The following SLC24A2 variants were observed in gnomAD, a reference collection of about 807,000 sequenced individuals.
SLC24A2 encodes the protein sodium/potassium/calcium exchanger 2.
In SLC24A2, 36 loss-of-function variants were observed where a neutral mutation model predicts 62.0. That is an observed-to-expected ratio of 0.58 (90% confidence interval 0.44 to 0.77). The LOEUF is 0.77. Among genes scored for constraint, SLC24A2 ranks in the 30% least tolerant of loss-of-function variants. The pLI, the probability that SLC24A2 is intolerant of heterozygous loss-of-function variation, is 0.00. For synonymous variants in SLC24A2, 358 were observed against 294.0 expected (o/e 1.22, Z -2.23); for missense variants, 846 against 817.9 (o/e 1.03, Z -0.42).
At chr9:19,708,822 A>T (rs1444392618) in intron 2 of SLC24A2, among the ~76,000 whole-genome samples, 2 of 152,188 alleles carry the variant, frequency 1.3e-5, no homozygotes, top group Non-Finnish European at 2.9e-5. Context: ...AACCTAGGCA[A>T]TAACATTCAG....
At chr9:20,120,233 T>C in the SLC24A2 span, among the ~76,000 whole-genome samples, 19 of 152,186 alleles carry the variant, frequency 1.2e-4, no homozygotes, top group Admixed American at 1.1e-3. Context: ...TTTTACTTTA[T>C]GGTTAGAAAT....
intron 2 of SLC24A2, among the ~76,000 whole-genome samples, chr9:19,642,983 ATTCTTT>A (rs1357196123): frequency 3.8e-5 from 4 of 105,086 alleles, no homozygotes; most frequent in Non-Finnish European, 7.3e-5. Flanking sequence ...CCTGGCCAGT[ATTCTTT>A]TTTTTTTTTT....
At chr9:19,528,181 A>G (rs747645415) in intron 8 of SLC24A2, 43 bp from the exon 9 acceptor site, 7 of 1,250,508 alleles carry the variant, frequency 5.6e-6, no homozygotes, top group Non-Finnish European at 8.0e-6. Flanking sequence ...AGTGTTATCC[A>G]TTGAGACTGA....
the SLC24A2 span, among the ~76,000 whole-genome samples, chr9:19,907,806 T>C: frequency 6.6e-6 from 1 of 152,220 alleles, no homozygotes; most frequent in African/African-American, 2.4e-5. Flanking sequence ...CAAGGAAAAC[T>C]ACAAACCACT....
intron 2 of SLC24A2, among the ~76,000 whole-genome samples, chr9:19,644,908 G>A (rs1237548609): frequency 1.3e-5 from 2 of 152,058 alleles, no homozygotes. Context: ...ATCTAAAAGT[G>A]CATTTACTGG....
chr9:19,584,366 A>C (rs1026822184), intron 5 of SLC24A2, among the ~76,000 whole-genome samples: 175 of 152,156 alleles, frequency 1.2e-3, no homozygotes, highest in African/African-American at 4.1e-3. Context: ...GTATTTGGTG[A>C]ATAAGACAGA....
chr9:20,130,242 A>C, the SLC24A2 span, among the ~76,000 whole-genome samples: 1 of 152,108 alleles, frequency 6.6e-6, no homozygotes, highest in Non-Finnish European at 1.5e-5. Context: ...ATAAGCCATA[A>C]ATATCTACTC....
At chr9:20,201,394 G>C in the SLC24A2 span, among the ~76,000 whole-genome samples, 1 of 152,158 alleles carries the variant, frequency 6.6e-6, no homozygotes, top group African/African-American at 2.4e-5. Flanking sequence ...TGTGGCTACT[G>C]ACATGGCAAA....
At chr9:19,797,632 T>A in the SLC24A2 span, among the ~76,000 whole-genome samples, 2 of 152,206 alleles carry the variant, frequency 1.3e-5, no homozygotes, top group African/African-American at 4.8e-5. Context: ...TCTAAGCTCT[T>A]CTCTGAAGTA....
chr9:20,211,816 A>C, the SLC24A2 span, among the ~76,000 whole-genome samples: 1 of 152,172 alleles, frequency 6.6e-6, no homozygotes, highest in Non-Finnish European at 1.5e-5. Context: ...GGAGTCTCAA[A>C]ATATTTGTGT....
At chr9:20,236,068 G>A in the SLC24A2 span, among the ~76,000 whole-genome samples, 1 of 152,086 alleles carries the variant, frequency 6.6e-6, no homozygotes, top group African/African-American at 2.4e-5. Flanking sequence ...TTTATAGAAG[G>A]TTTCATTAGA....
chr9:19,789,200 C>G (rs991182160), upstream of SLC24A2, among the ~76,000 whole-genome samples: 8 of 152,246 alleles, frequency 5.3e-5, no homozygotes, highest in African/African-American at 1.7e-4. Context: ...TGGCAGCCGT[C>G]TCTTAGGAGA....
chr9:19,760,419 C>T (rs920396506), intron 2 of SLC24A2, among the ~76,000 whole-genome samples: 18 of 152,034 alleles, frequency 1.2e-4, no homozygotes, highest in Admixed American at 5.9e-4. Context: ...GCAGAACGTG[C>T]AGGTTTGTTA....
chr9:19,747,585 G>C (rs1821869787), intron 2 of SLC24A2, among the ~76,000 whole-genome samples: 1 of 152,176 alleles, frequency 6.6e-6, no homozygotes, highest in Non-Finnish European at 1.5e-5. Flanking sequence ...ATTATTATCT[G>C]ACATATCACT....
the SLC24A2 span, among the ~76,000 whole-genome samples, chr9:20,236,969 G>A: frequency 6.6e-6 from 1 of 151,952 alleles, no homozygotes; most frequent in Non-Finnish European, 1.5e-5. Flanking sequence ...AAGGATGGAG[G>A]GGGTGGGGAC....
At chr9:20,180,332 T>G in the SLC24A2 span, among the ~76,000 whole-genome samples, 86 of 152,280 alleles carry the variant, frequency 5.6e-4, no homozygotes, top group African/African-American at 1.9e-3. Context: ...TTGGTTATTA[T>G]CTCTTAATAA....
intron 5 of SLC24A2, among the ~76,000 whole-genome samples, chr9:19,591,486 T>C (rs192048335): frequency 6.6e-6 from 1 of 152,352 alleles, no homozygotes; most frequent in Admixed American, 6.5e-5. Flanking sequence ...CATTTCCAAA[T>C]TGCCTTGAAA....
rs540669811 is a variant in SLC24A2 at position 19,673,326 on chromosome 9, A to G, written c.931-51027T>C. 1.9e-4 allele frequency among the ~76,000 whole-genome samples: 28 copies of G among 146,204 alleles called. 5 individuals carry two copies. Among genetic ancestry groups the G allele is most frequent in the Middle Eastern group, 6.9e-3 (2 of 290 alleles). On this transcript the variant is annotated intron_variant, in intron 2 of 10. Coordinates refer to ENST00000341998, the MANE Select transcript of SLC24A2 (RefSeq NM_020344.4). Reference sequence around the variant, plus strand: ...TTCTTTTTCACTGCTATTGCTTTAAAGTTTGTTTTGTCTTATGTAAGAATA... The same window carrying G: ...TTCTTTTTCACTGCTATTGCTTTAAGGTTTGTTTTGTCTTATGTAAGAATA...
At chr9:19,568,967 A>G (rs1189306174) in intron 7 of SLC24A2, among the ~76,000 whole-genome samples, 1 of 152,140 alleles carries the variant, frequency 6.6e-6, no homozygotes, top group African/African-American at 2.4e-5. Flanking sequence ...TCCGTGTACA[A>G]ATATACTGGA....
Sources: gnomAD v4.1 joint callset for allele counts (sites outside exome capture counted in the v4.1 genomes callset) on GRCh38, gnomAD v4.1.1 for gene constraint, MANE v1.5 for transcripts, NCBI Gene and HGNC (gene_info 2026-07-23, HGNC 2026-07-21) for gene names.